Variants in PKP4 observed in about 807,000 individuals in gnomAD.
PKP4 encodes plakophilin 4.
Under a neutral mutation model 145.1 loss-of-function variants are expected in PKP4, and 90 were observed. The observed-to-expected ratio is 0.62, with a 90% CI of 0.52 to 0.74. PKP4 has a LOEUF of 0.74. Ranked by LOEUF, PKP4 falls within the 30% of genes least tolerant of loss-of-function variation. The probability of loss-of-function intolerance (pLI) is 0.00; values close to 1 mark genes in which losing one functional copy is unlikely to be tolerated. For synonymous variants in PKP4, 563 were observed against 577.2 expected (o/e 0.98, Z 0.35); for missense variants, 1,340 against 1,482.7 (o/e 0.90, Z 1.58).
intron 2 of PKP4, among the ~76,000 whole-genome samples, chr2:158,543,014 T>C (rs1460235679): frequency 1.3e-5 from 2 of 152,180 alleles, no homozygotes; most frequent in African/African-American, 2.4e-5. Context: ...TCACAAATTT[T>C]GGGGTTAATG....
At position 158,563,852 on chromosome 2, in the gene PKP4, A is replaced by G. The variant is rs533017234; in HGVS notation, c.133-13419A>G. Among the ~76,000 whole-genome samples the G allele has an allele frequency of 2.1e-3, 315 of 152,278 alleles. 1 individual carries two copies. The highest frequency in any genetic ancestry group is 3.4e-3 in the Non-Finnish European group (229 of 68,012). Reference sequence around the variant, plus strand: ...TTGTTTCCAATTGTTAGAATAGGCCATAATAGGTTATTGGAATATTATTGA... The same window carrying G: ...TTGTTTCCAATTGTTAGAATAGGCCGTAATAGGTTATTGGAATATTATTGA... On this transcript the variant is annotated intron_variant, in intron 2 of 21. Transcript: ENST00000389759.
rs199631736 is a variant in PKP4 at position 158,533,237 on chromosome 2, G to A, written c.53G>A (p.Arg18His). The change falls in exon 2 of 22, where the codon CGC becomes CAC. Residue 18 changes from arginine (R) to histidine (H), a missense_variant. Arg to His is a conservative substitution (Grantham distance 29, BLOSUM62 0). Transcript: ENST00000389759. ...SLVEEGQPQT[R>H]QEAASTGPGM... The stretch of plus-strand genomic sequence containing the variant: ...GTGGAGGAGGGGCAACCACAGACCC[G>A]CCAGGAAGCTGCCTCCACTGGCCCA... 2.9e-5 allele frequency: 47 copies of A among 1,613,912 alleles called. No individual in the cohort carries two copies. In the East Asian group the frequency reaches 6.2e-4, roughly 21 times the overall value.
At chr2:158,600,449 A>T (rs1480911475) in intron 3 of PKP4, among the ~76,000 whole-genome samples, 3 of 152,134 alleles carry the variant, frequency 2.0e-5, no homozygotes, top group African/African-American at 7.2e-5. Context: ...AAAGTTGAGG[A>T]AGTGTTTCTA....
chr2:158,621,714 C>G (rs190838643), intron 6 of PKP4, among the ~76,000 whole-genome samples: 171 of 150,814 alleles, frequency 1.1e-3, no homozygotes, highest in Non-Finnish European at 2.0e-3. Flanking sequence ...CCACTGCACT[C>G]CAGCCTGGGC....
At chr2:158,621,607 G>A (rs918092939) in intron 6 of PKP4, among the ~76,000 whole-genome samples, 186 bp downstream of exon 6, 9 of 152,024 alleles carry the variant, frequency 5.9e-5, no homozygotes, top group East Asian at 1.9e-4. Flanking sequence ...TTAGCCGGGC[G>A]TGGTGGCGGG....
intron 1 of PKP4, among the ~76,000 whole-genome samples, chr2:158,512,266 A>G (rs536283714): frequency 6.6e-6 from 1 of 152,268 alleles, no homozygotes; most frequent in Admixed American, 6.5e-5. Context: ...ATAAACTGCC[A>G]TGAAAACAAA....
chr2:158,581,627 G>A (rs1395353108), intron 3 of PKP4, among the ~76,000 whole-genome samples: 3 of 152,144 alleles, frequency 2.0e-5, no homozygotes, highest in Non-Finnish European at 4.4e-5. Flanking sequence ...CGAATGGGTG[G>A]CTCTAATAGT....
At chr2:158,504,510 A>G (rs1697033836) in intron 1 of PKP4, among the ~76,000 whole-genome samples, 1 of 152,176 alleles carries the variant, frequency 6.6e-6, no homozygotes, top group Non-Finnish European at 1.5e-5. Flanking sequence ...TAGCCCTTCT[A>G]TTAGGAAGAG....
chr2:158,573,643 G>C (rs1195256168), intron 2 of PKP4, among the ~76,000 whole-genome samples: 1 of 112,298 alleles, frequency 8.9e-6, no homozygotes, highest in Non-Finnish European at 1.8e-5. Flanking sequence ...ATCTATCATA[G>C]AAATGGAAGC....
At chr2:158,631,090 A>G (rs1289678346) in intron 7 of PKP4, among the ~76,000 whole-genome samples, 1 of 151,684 alleles carries the variant, frequency 6.6e-6, no homozygotes, top group Non-Finnish European at 1.5e-5. Flanking sequence ...GGCTCCCGCC[A>G]CCACGCCCGG....
chr2:158,504,234 T>C (rs1696996798), intron 1 of PKP4, among the ~76,000 whole-genome samples: 1 of 152,248 alleles, frequency 6.6e-6, no homozygotes, highest in African/African-American at 2.4e-5. Flanking sequence ...ATGACTTTTA[T>C]ACTGTCAACA....
chr2:158,545,390 G>A (rs2044923586), intron 2 of PKP4, among the ~76,000 whole-genome samples: 1 of 152,112 alleles, frequency 6.6e-6, no homozygotes, highest in Admixed American at 6.6e-5. Flanking sequence ...TTTGAGAAAT[G>A]AATAAATCTG....
At chr2:158,497,809 C>T (rs1695959612) in intron 1 of PKP4, among the ~76,000 whole-genome samples, 1 of 152,196 alleles carries the variant, frequency 6.6e-6, no homozygotes, top group African/African-American at 2.4e-5. Flanking sequence ...ATTAACTTTT[C>T]AGAGATGAAG....
At chr2:158,671,528 C>T (rs1558992017) in intron 17 of PKP4, among the ~76,000 whole-genome samples, 1 of 152,082 alleles carries the variant, frequency 6.6e-6, no homozygotes, top group South Asian at 2.1e-4. Flanking sequence ...AAATTGCTAC[C>T]CAGTCTAATC....
At position 158,663,370 on chromosome 2, in the gene PKP4, A is replaced by G. The variant is rs763488074; in HGVS notation, c.2502A>G (p.Leu834=). The G allele has an allele frequency of 1.9e-6, 3 of 1,614,138 alleles. No individual in the cohort carries two copies. The highest frequency in any genetic ancestry group is 2.5e-6 in the Non-Finnish European group (3 of 1,179,988). ...TGGTAAAACCATATCTGACTCTTCT[A>G]GCAGAAAGTTCCAACCCAGCCACCT... ...PSVVKPYLTL[L]AESSNPATLE... Residue 834 remains leucine, a synonymous_variant, in exon 15 of 22, where the codon CTA becomes CTG. Coordinates refer to ENST00000389759, the MANE Select transcript of PKP4 (RefSeq NM_003628.6).
Position 158,588,533 on chromosome 2 carries a change from G to T in PKP4, c.245+11150G>T, listed in dbSNP as rs566618567. Among the ~76,000 whole-genome samples the T allele has an allele frequency of 1.4e-4, 21 of 151,992 alleles. 2 individuals carry two copies. Among genetic ancestry groups the T allele is most frequent in the South Asian group, 1.2e-3 (6 of 4,820 alleles). On this transcript the variant is annotated intron_variant, in intron 3 of 21. Coordinates refer to ENST00000389759, the MANE Select transcript of PKP4 (RefSeq NM_003628.6). ...ATGAGTAATTTGGCTTGTTATTTTT[G>T]GTTCTATCATTAGTTTTTTAAAGCT...
At chr2:158,659,787 T>C (rs1343939323) in intron 12 of PKP4, 1 of 152,190 alleles carries the variant, frequency 6.6e-6, no homozygotes, top group Admixed American at 6.5e-5. Context: ...GGTACCAGAT[T>C]ATATAGGATT....
chr2:158,610,080 G>T (rs1483049866), intron 4 of PKP4, among the ~76,000 whole-genome samples: 2 of 152,034 alleles, frequency 1.3e-5, no homozygotes, highest in Admixed American at 6.6e-5. Flanking sequence ...TCATTATTCT[G>T]TACCCTCTAG....
intron 11 of PKP4, among the ~76,000 whole-genome samples, chr2:158,651,241 AC>A (rs3836168): frequency 1.3e-5 from 2 of 151,254 alleles, no homozygotes; most frequent in East Asian, 3.9e-4. Context: ...TCTCCCCACC[AC>A]CCCCTTGACT....
Sources: gnomAD v4.1 joint callset for allele counts (sites outside exome capture counted in the v4.1 genomes callset) on GRCh38, gnomAD v4.1.1 for gene constraint, MANE v1.5 for transcripts, NCBI Gene and HGNC (gene_info 2026-07-23, HGNC 2026-07-21) for gene names.